Variants in ZNF407 observed in about 807,000 individuals in gnomAD.
ZNF407 encodes zinc finger protein 407.
A neutral mutation model predicts 131.2 loss-of-function variants in ZNF407; 17 were observed. The ratio of observed to expected loss-of-function variants is 0.13; its 90% CI spans 0.09 to 0.19. The LOEUF is 0.19. Ranked by LOEUF, ZNF407 falls within the 10% of genes least tolerant of loss-of-function variation. The pLI is 1.00. For synonymous variants in ZNF407, 1,156 were observed against 1,062.0 expected (o/e 1.09, Z -1.72); for missense variants, 2,681 against 2,830.6 (o/e 0.95, Z 1.20).
At chr18:74,749,806 A>G (rs1048786501) in intron 3 of ZNF407, among the ~76,000 whole-genome samples, 3 of 152,216 alleles carry the variant, frequency 2.0e-5, no homozygotes, top group Non-Finnish European at 4.4e-5. Context: ...ATAAAACTCC[A>G]AATAATAGAA....
chr18:75,001,666 T>C (rs886116095), intron 8 of ZNF407, among the ~76,000 whole-genome samples: 1 of 152,240 alleles, frequency 6.6e-6, no homozygotes, highest in Non-Finnish European at 1.5e-5. Flanking sequence ...TCCAACCCTG[T>C]ATTTCTGTCA....
intron 4 of ZNF407, among the ~76,000 whole-genome samples, chr18:74,830,403 C>T (rs535031910): frequency 1.3e-5 from 2 of 152,246 alleles, no homozygotes; most frequent in African/African-American, 4.8e-5. Context: ...CCACCTCAGC[C>T]CCCTGAGTAG....
intron 8 of ZNF407, among the ~76,000 whole-genome samples, chr18:75,023,073 G>T (rs765997676): frequency 6.6e-6 from 1 of 152,008 alleles, no homozygotes; most frequent in African/African-American, 2.4e-5. Context: ...GCAAACTCTC[G>T]CAGGAACAGA....
chr18:74,779,748 AATT>A (rs1406035876), intron 3 of ZNF407, among the ~76,000 whole-genome samples: 2 of 152,144 alleles, frequency 1.3e-5, no homozygotes, highest in African/African-American at 4.8e-5. Context: ...TAAGTATTTT[AATT>A]AATAATTTTG....
At chr18:74,980,760 AT>A (rs1403177964) in intron 8 of ZNF407, among the ~76,000 whole-genome samples, 2 of 152,142 alleles carry the variant, frequency 1.3e-5, no homozygotes, top group Admixed American at 1.3e-4. Context: ...GCCCACAAAT[AT>A]TTTGAGACAT....
intron 1 of ZNF407, among the ~76,000 whole-genome samples, chr18:74,601,121 G>A (rs759603730): frequency 2.6e-5 from 4 of 152,296 alleles, no homozygotes; most frequent in Non-Finnish European, 5.9e-5. Flanking sequence ...TGATGTGTCT[G>A]CTTCGGGTGA....
intron 4 of ZNF407, among the ~76,000 whole-genome samples, chr18:74,835,273 T>G (rs982057847): frequency 6.6e-6 from 1 of 152,214 alleles, no homozygotes; most frequent in African/African-American, 2.4e-5. Flanking sequence ...TCCAATAGTT[T>G]AAACTGATTT....
chr18:74,970,375 C>T (rs1208014864), intron 8 of ZNF407, among the ~76,000 whole-genome samples: 1 of 152,182 alleles, frequency 6.6e-6, no homozygotes, highest in Non-Finnish European at 1.5e-5. Context: ...TCCAAAGTCT[C>T]ATCTGAGACA....
intron 3 of ZNF407, among the ~76,000 whole-genome samples, chr18:74,716,894 A>C (rs978623576): frequency 1.3e-5 from 2 of 152,204 alleles, no homozygotes; most frequent in African/African-American, 4.8e-5. Context: ...CTGCCTACTT[A>C]ATGCTTTCTG....
In ZNF407 at chr18:74,620,528, T is replaced by C. The variant is rs1264046534; in HGVS notation, c.-53-10439T>C. Among the ~76,000 whole-genome samples, 7 of 44,808 alleles carry C rather than the reference T, an allele frequency of 1.6e-4. No homozygotes were observed. In the East Asian group the frequency reaches 4.0e-3, roughly 25 times the overall value. The allele number at this position is 44,808 out of a possible 152,430, so 29.4% of individuals were successfully genotyped here. A position where few individuals can be genotyped will look rare whatever the true frequency, so the allele number is the denominator to read the frequency against. ...AAAATTGAATTGGATGTTTGAAATA[T>C]AACATGTGTGTCCTCTGGAATAGAA... is the stretch of plus-strand genomic sequence containing the variant. On this transcript the variant is annotated intron_variant, in intron 1 of 8. Transcript: ENST00000299687.
At chr18:74,983,180 A>T (rs1972612935) in intron 8 of ZNF407, among the ~76,000 whole-genome samples, 1 of 151,916 alleles carries the variant, frequency 6.6e-6, no homozygotes, top group Admixed American at 6.6e-5. Context: ...TTTTTTTTTT[A>T]AATCAGTTTT....
intron 7 of ZNF407, among the ~76,000 whole-genome samples, chr18:74,916,219 T>G (rs1159373426): frequency 9.0e-6 from 1 of 111,164 alleles, no homozygotes; most frequent in Non-Finnish European, 1.7e-5. Context: ...TATGTGTGTG[T>G]GTACATGTGT....
At chr18:74,670,751 C>T (rs1428938948) in intron 3 of ZNF407, among the ~76,000 whole-genome samples, 1 of 152,094 alleles carries the variant, frequency 6.6e-6, no homozygotes, top group Non-Finnish European at 1.5e-5. Context: ...GATCATAGCT[C>T]GCTGCAGCCT....
chr18:74,921,968 CT>C (rs1475888534), intron 8 of ZNF407, among the ~76,000 whole-genome samples: 1 of 152,202 alleles, frequency 6.6e-6, no homozygotes, highest in African/African-American at 2.4e-5. Flanking sequence ...CATTACTGTT[CT>C]TTCATATTTC....
intron 8 of ZNF407, among the ~76,000 whole-genome samples, chr18:74,933,070 G>T (rs1972001380): frequency 6.6e-6 from 1 of 152,098 alleles, no homozygotes; most frequent in African/African-American, 2.4e-5. Context: ...TGAAGGCAAG[G>T]TCTCAAACAG....
chr18:74,909,573 T>C (rs1459810082), intron 7 of ZNF407, among the ~76,000 whole-genome samples: 1 of 152,166 alleles, frequency 6.6e-6, no homozygotes, highest in Non-Finnish European at 1.5e-5. Context: ...ATTTTCATTT[T>C]CTGCTTAAGT....
intron 3 of ZNF407, among the ~76,000 whole-genome samples, chr18:74,766,605 G>T (rs192798510): frequency 2.0e-5 from 3 of 152,260 alleles, no homozygotes; most frequent in African/African-American, 7.2e-5. Context: ...TCATGTTACT[G>T]AGCCCCATCT....
intron 3 of ZNF407, among the ~76,000 whole-genome samples, chr18:74,696,841 G>A (rs1362824123): frequency 1.3e-5 from 2 of 152,146 alleles, no homozygotes; most frequent in Non-Finnish European, 2.9e-5. Context: ...TAGTTTGGAG[G>A]CAGGCTGTGA....
At chr18:75,015,049 C>T (rs576696887) in intron 8 of ZNF407, among the ~76,000 whole-genome samples, 1 of 152,156 alleles carries the variant, frequency 6.6e-6, no homozygotes, top group South Asian at 2.1e-4. Flanking sequence ...CCGCCATATT[C>T]GTATAGCCAG....
Sources: allele counts gnomAD v4.1 joint callset (sites outside exome capture counted in the v4.1 genomes callset), GRCh38; gene constraint gnomAD v4.1.1; transcripts MANE v1.5; gene names NCBI Gene and HGNC (gene_info 2026-07-23, HGNC 2026-07-21).